The following PCGF2 variants were observed in gnomAD, a reference collection of about 807,000 sequenced individuals.
PCGF2 encodes the protein polycomb group ring finger 2.
A neutral mutation model predicts 36.1 loss-of-function variants in PCGF2; 8 were observed. That is an observed-to-expected ratio of 0.22 (90% CI 0.13 to 0.40). The LOEUF is 0.40. PCGF2 is among the 10% of genes least tolerant of loss of function. PCGF2 has a pLI of 1.00. For synonymous variants in PCGF2, 198 were observed against 191.2 expected, an observed-to-expected ratio of 1.04 and a Z score of -0.29; for missense variants, 436 against 475.9, an observed-to-expected ratio of 0.92 and a Z score of 0.78.
chr17:38,735,721 G>T, intron 10 of PCGF2, 121 bp from the exon 11 acceptor site: 3 of 1,321,296 alleles, frequency 2.3e-6, no homozygotes, highest in Non-Finnish European at 3.0e-6. Flanking sequence ...GATGGGATGG[G>T]GCCTTGGAGA....
chr17:38,741,908 C>T (rs1286388214), intron 2 of PCGF2, among the ~76,000 whole-genome samples: 1 of 152,094 alleles, frequency 6.6e-6, no homozygotes, highest in Admixed American at 6.6e-5. Context: ...ACCCCCCTTT[C>T]ATACACAATG....
Position 38,735,358 on chromosome 17 carries a change from G to A in PCGF2, c.900C>T (p.Pro300=), listed in dbSNP as rs535093382. 23 of 1,559,980 alleles carry A rather than the reference G, an allele frequency of 1.5e-5. No individual in the cohort carries two copies. The highest frequency in any genetic ancestry group is 1.8e-5 in the Non-Finnish European group (21 of 1,150,466). The change falls in exon 11 of 11, where the codon CCC becomes CCT. Residue 300 remains proline, a synonymous_variant. Transcript: ENST00000620225. ...CCCCACTGGCTGTCGAAGGGGGAGT[G>A]GGGGAGGTAGGGTGGGTGGCTGGAG... ...HGPPATHPTS[P]TPPSTASGAT...
At position 38,739,311 on chromosome 17, in the gene PCGF2, G is replaced by A. The variant is rs1332520914; in HGVS notation, c.210-58C>T. 1.0e-5 allele frequency: 15 copies of A among 1,488,632 alleles called. No homozygotes were observed. Among genetic ancestry groups the A allele is most frequent in the Admixed American group, 6.7e-5 (4 of 59,620 alleles). The allele number at this position is 1,488,632 out of a possible 1,614,324, so 92.2% of individuals were successfully genotyped here. A position where few individuals can be genotyped will look rare whatever the true frequency, so the allele number is the denominator to read the frequency against. On this transcript the variant is annotated intron_variant, in intron 4 of 10. Transcript: ENST00000620225. This position sits in a 1 kb window ranked among gnomAD's most constrained non-coding sequence, Gnocchi z 4.0. ...GCCTTCTCCAGAGCGCTCCGACCTC[G>A]CCCTGCTCTCCCAGCCAGGGTACCC...
Position 38,739,217 on chromosome 17 carries a change from C to A in PCGF2, c.246G>T (p.Leu82Phe), listed in dbSNP as rs780591825. 1.2e-6 allele frequency: 2 copies of A among 1,614,084 alleles called. No homozygotes were observed. The highest frequency in any genetic ancestry group is 4.5e-5 in the East Asian group (2 of 44,880). Residue 82 changes from leucine to phenylalanine, a missense_variant, in exon 5 of 11, where the codon TTG becomes TTT. Physicochemically the swap from Leu to Phe is conservative, Grantham distance 22. Around this residue, in one of 3 missense-constraint regions of PCGF2, gnomAD observed 189 missense variants for 219.3 expected, o/e 0.86. Transcript: ENST00000620225. This position sits in a 1 kb window ranked among gnomAD's most constrained non-coding sequence, Gnocchi z 4.0. ...AGATACCTTTAAAAAGCCCAGGGAC[C>A]AATTTGTAGACAATGTCTTGAAGTG... ...DKTLQDIVYKLVPGLFKDEMK... is the reference protein window; with the variant it reads ...DKTLQDIVYKFVPGLFKDEMK...
intron 9 of PCGF2, among the ~76,000 whole-genome samples, chr17:38,736,858 A>C (rs1489662905): frequency 1.3e-5 from 2 of 149,464 alleles, no homozygotes; most frequent in African/African-American, 5.0e-5. Flanking sequence ...AAAACAAAAA[A>C]CAAACACCAA....
Position 38,739,780 on chromosome 17 carries a change from C to A in PCGF2, c.113-98G>T. 1.2e-6 allele frequency: 1 copy of A among 855,540 alleles called. No individual in the cohort carries two copies. The highest frequency in any genetic ancestry group is 2.0e-6 in the Non-Finnish European group (1 of 496,310). The allele number at this position is 855,540 out of a possible 1,614,324, so 53.0% of individuals were successfully genotyped here. A position where few individuals can be genotyped will look rare whatever the true frequency, so the allele number is the denominator to read the frequency against. On this transcript the variant is annotated intron_variant, in intron 3 of 10. Coordinates refer to ENST00000620225, the MANE Select transcript of PCGF2 (RefSeq NM_007144.3). This position sits in a 1 kb window ranked among gnomAD's most constrained non-coding sequence, Gnocchi z 4.0. ...CTCAGACTCAGATATCCCTCCTCCT[C>A]CACCCTGTCCCTGCTCCGAGGCCCA... is the stretch of plus-strand genomic sequence containing the variant.
In PCGF2 at chr17:38,740,530, C is replaced by T. The variant is rs8082333; in HGVS notation, c.-40-88G>A. 0.013 allele frequency: 11,426 copies of T among 896,008 alleles called. 806 individuals are homozygous for T. The African/African-American group carries it at 0.16, about 13-fold the overall frequency. 55.5% of individuals were successfully genotyped at this position (896,008 alleles called of 1,614,324 possible). ...ATCCCAGCACTTTGGGAGGCCAAGG[C>T]GGGCGGATCACGAGGTCAGGAGATT... On this transcript the variant is annotated intron_variant, in intron 2 of 10. Transcript: ENST00000620225.
intron 2 of PCGF2, 61 bp from the exon 3 acceptor site, chr17:38,740,503 T>A: frequency 1.5e-6 from 2 of 1,294,276 alleles, no homozygotes; most frequent in South Asian, 1.4e-5. Flanking sequence ...TTCACGCCTG[T>A]AATCCCAGCA....
intron 9 of PCGF2, among the ~76,000 whole-genome samples, chr17:38,736,431 C>T (rs140447622): frequency 6.6e-6 from 1 of 152,194 alleles, no homozygotes; most frequent in Non-Finnish European, 1.5e-5. Flanking sequence ...CTGTCTGGGT[C>T]TCCTATCTCT....
intron 2 of PCGF2, among the ~76,000 whole-genome samples, chr17:38,742,123 G>A (rs187365291): frequency 6.6e-5 from 10 of 152,306 alleles, no homozygotes; most frequent in Admixed American, 5.2e-4. Flanking sequence ...TGAAAAGTCC[G>A]GCTCTGGATT....
rs1473346196 is a variant in PCGF2, at chr17:38,736,108, G to A, written c.639C>T (p.Tyr213=). ...GGCTCACCCGCCGCCAGGGGTAGAT[G>A]TAGGCGATGTCCATGAGGGTGTAGT... ...KEYYTLMDIA[Y]IYPWRRNGPL... Residue 213 remains tyrosine, a synonymous_variant, in exon 10 of 11, where the codon TAC becomes TAT. Coordinates refer to ENST00000620225, the MANE Select transcript of PCGF2 (RefSeq NM_007144.3). 17 of 1,581,664 alleles carry A rather than the reference G, an allele frequency of 1.1e-5. No individual in the cohort carries two copies. The East Asian group carries it at 3.9e-4, about 36-fold the overall frequency.
Position 38,735,274 on chromosome 17 carries a change from G to T in PCGF2, c.984C>A (p.Ser328Arg). ...LNCLQTPSST[S>R]RGRKMTVNGA... The stretch of plus-strand genomic sequence containing the variant: ...CGTTGACAGTCATCTTGCGCCCCCT[G>T]CTGGTGGAGGATGGTGTCTGCAGGC... Residue 328 changes from serine to arginine, a missense_variant, in exon 11 of 11, where the codon AGC (serine) becomes AGA (arginine). Ser to Arg is a moderately radical substitution (Grantham distance 110, BLOSUM62 -1). Around this residue, in one of 3 missense-constraint regions of PCGF2, gnomAD observed 227 missense variants for 212.9 expected, o/e 1.07. Transcript: ENST00000620225. 1 of 1,474,314 alleles carries T rather than the reference G, an allele frequency of 6.8e-7. No homozygotes were observed. The highest frequency in any genetic ancestry group is 9.1e-7 in the Non-Finnish European group (1 of 1,101,948). The allele number at this position is 1,474,314 out of a possible 1,614,324, so 91.3% of individuals were successfully genotyped here. A position where few individuals can be genotyped will look rare whatever the true frequency, so the allele number is the denominator to read the frequency against.
chr17:38,740,627 T>C (rs542220351), intron 2 of PCGF2, among the ~76,000 whole-genome samples, 185 bp from the exon 3 acceptor site: 28 of 152,190 alleles, frequency 1.8e-4, no homozygotes, highest in East Asian at 1.2e-3. Flanking sequence ...GGCATGGTGG[T>C]GGGCACCTGT....
chr17:38,738,572 G>A lies in PCGF2; in HGVS notation c.449C>T (p.Pro150Leu). The A allele has an allele frequency of 6.3e-7, 1 of 1,586,726 alleles. No individual in the cohort carries two copies. Among genetic ancestry groups the A allele is most frequent in the Non-Finnish European group, 8.6e-7 (1 of 1,165,762 alleles). Residue 150 changes from proline (P) to leucine (L), a missense_variant, in exon 8 of 11, where the codon CCC becomes CTC. Pro to Leu is a moderately conservative substitution (Grantham distance 98, BLOSUM62 -3). Transcript: ENST00000620225. ...TTTGTCCCCATCCCCATTCTCCAGG[G>A]GGCCCTTCTTCTCGTCCCGGTCCCT... ...GARDRDEKKG[P>L]LENGDGDKEK...
intron 2 of PCGF2, among the ~76,000 whole-genome samples, chr17:38,745,466 C>G (rs1156311305): frequency 1.3e-5 from 2 of 152,200 alleles, no homozygotes; most frequent in Non-Finnish European, 2.9e-5. Flanking sequence ...GATCGTGCCA[C>G]TGCACTCCAA....
chr17:38,736,125 G>C lies in PCGF2; in HGVS notation c.622C>G (p.Leu208Val). The C allele has an allele frequency of 1.9e-6, 3 of 1,587,600 alleles. No individual in the cohort carries two copies. Among genetic ancestry groups the C allele is most frequent in the Non-Finnish European group, 2.6e-6 (3 of 1,166,674 alleles). The part of the protein sequence containing the change: ...EDEPLKEYYT[L>V]MDIAYIYPWR... ...GGGTAGATGTAGGCGATGTCCATGAGGGTGTAGTATTCCTTCAGTGGCTCG... is the reference window on the plus strand; with the variant it reads ...GGGTAGATGTAGGCGATGTCCATGACGGTGTAGTATTCCTTCAGTGGCTCG... Residue 208 changes from leucine (L) to valine (V), a missense_variant, in exon 10 of 11, where the codon CTC becomes GTC. This residue lies in a region of PCGF2 where 227 missense variants were observed against 212.9 expected (regional missense o/e 1.07). Coordinates refer to ENST00000620225, the MANE Select transcript of PCGF2 (RefSeq NM_007144.3).
intron 7 of PCGF2, 56 bp downstream of exon 7, chr17:38,738,697 G>A (rs1906958515): frequency 5.7e-6 from 9 of 1,570,858 alleles, no homozygotes; most frequent in Non-Finnish European, 7.9e-6. Context: ...TCCTGGGTGG[G>A]AGAAGGGGTT....
chr17:38,739,013 C>A lies in PCGF2; in HGVS notation c.316+55G>T. 6.3e-7 allele frequency: 1 copy of A among 1,599,336 alleles called. No individual in the cohort carries two copies. Among genetic ancestry groups the A allele is most frequent in the South Asian group, 1.1e-5 (1 of 90,744 alleles). Reference sequence around the variant, plus strand: ...AGAGGGTGAGGGGTAGCGCTACACACCTACATGGTCCCAGGCAAGACTGTG... The same window carrying A: ...AGAGGGTGAGGGGTAGCGCTACACAACTACATGGTCCCAGGCAAGACTGTG... On this transcript the variant is annotated intron_variant, in intron 6 of 10. Coordinates refer to ENST00000620225, the MANE Select transcript of PCGF2 (RefSeq NM_007144.3). This position sits in a 1 kb window ranked among gnomAD's most constrained non-coding sequence, Gnocchi z 4.0.
rs1906576316 is a variant in PCGF2 at position 38,735,095 on chromosome 17, T to C, written c.*128A>G. ...TATGTACATATATATATATATTTAT[T>C]TATAAAACCCGCCCCCCACCCCCAA... On this transcript the variant is annotated 3_prime_UTR_variant, in exon 11 of 11. Coordinates refer to ENST00000620225, the MANE Select transcript of PCGF2 (RefSeq NM_007144.3). 3.4e-6 allele frequency: 2 copies of C among 585,832 alleles called. No homozygotes were observed. Among genetic ancestry groups the C allele is most frequent in the East Asian group, 6.5e-5 (2 of 30,904 alleles). The allele number at this position is 585,832 out of a possible 1,614,324, so 36.3% of individuals were successfully genotyped here. A position where few individuals can be genotyped will look rare whatever the true frequency, so the allele number is the denominator to read the frequency against.
Sources: gnomAD v4.1 joint callset for allele counts (sites outside exome capture counted in the v4.1 genomes callset) on GRCh38, gnomAD v4.1.1 for gene constraint, gnomAD v4.1.1 regional missense constraint, Gnocchi (gnomAD v3.1) non-coding constraint, MANE v1.5 for transcripts, NCBI Gene and HGNC (gene_info 2026-07-23, HGNC 2026-07-21) for gene names.